The following DCUN1D4 variants were observed in gnomAD, a reference collection of about 807,000 sequenced individuals.
DCUN1D4 encodes the protein DCN1-like protein 4.
Under a neutral mutation model 47.9 loss-of-function variants are expected in DCUN1D4, and 22 were observed. That is an observed-to-expected ratio of 0.46 (90% confidence interval 0.33 to 0.66). DCUN1D4 has a LOEUF of 0.66. Among genes scored for constraint, DCUN1D4 ranks in the 30% least tolerant of loss-of-function variants. DCUN1D4 has a pLI of 0.02. For missense variants in DCUN1D4, 301 were observed against 340.8 expected (o/e 0.88, Z 0.92); for synonymous variants, 121 against 112.2 (o/e 1.08, Z -0.50).
intron 5 of DCUN1D4, among the ~76,000 whole-genome samples, chr4:51,878,729 T>G (rs1281793599): frequency 6.6e-6 from 1 of 152,262 alleles, no homozygotes; most frequent in Non-Finnish European, 1.5e-5. Context: ...TTCTCCGTTT[T>G]TCCATCTGAC....
At position 51,877,864 on chromosome 4, in the gene DCUN1D4, C is replaced by A; in HGVS notation, c.343+10C>A. The A allele has an allele frequency of 6.4e-7, 1 of 1,558,722 alleles. No individual in the cohort carries two copies. Among genetic ancestry groups the A allele is most frequent in the Non-Finnish European group, 8.8e-7 (1 of 1,133,728 alleles). ...TTCTATGAATATGCAGGTAGGTATT[C>A]ATTTGTATCATCTAAGACTGATCCT... On this transcript the variant is annotated intron_variant, in intron 5 of 10. Transcript: ENST00000334635.
intron 8 of DCUN1D4, among the ~76,000 whole-genome samples, chr4:51,902,350 C>G (rs1280990366): frequency 1.3e-5 from 2 of 152,308 alleles, no homozygotes; most frequent in African/African-American, 4.8e-5. Flanking sequence ...CTGTCAATTA[C>G]TGAGAGAGGA....
At chr4:51,835,272 G>A in the DCUN1D4 span, among the ~76,000 whole-genome samples, 2 of 152,196 alleles carry the variant, frequency 1.3e-5, no homozygotes, top group Non-Finnish European at 2.9e-5. Flanking sequence ...CTTTGAGAAA[G>A]TTACTTTACC....
At chr4:51,878,013 C>T (rs1727960405) in intron 5 of DCUN1D4, 159 bp downstream of exon 5, 1 of 410,140 alleles carries the variant, frequency 2.4e-6, no homozygotes, top group Non-Finnish European at 4.4e-6. Flanking sequence ...TAACAAATCA[C>T]CAGATAGCCT....
Position 51,843,169 on chromosome 4 carries a change from G to T in DCUN1D4, c.-74G>T, listed in dbSNP as rs770991015. 6.5e-7 allele frequency: 1 copy of T among 1,530,268 alleles called. No individual in the cohort carries two copies. 94.8% of individuals were successfully genotyped at this position (1,530,268 alleles called of 1,614,324 possible). ...CGGGTCCTCAGCTTCGAGCCGAGGTGCAGTGAGCTGGTGGGGGGACCGCGA... is the reference window on the plus strand; with the variant it reads ...CGGGTCCTCAGCTTCGAGCCGAGGTTCAGTGAGCTGGTGGGGGGACCGCGA... On this transcript the variant is annotated 5_prime_UTR_variant, in exon 1 of 11. Coordinates refer to ENST00000334635, the MANE Select transcript of DCUN1D4 (RefSeq NM_001040402.3).
intron 1 of DCUN1D4, among the ~76,000 whole-genome samples, chr4:51,852,652 A>C (rs1259364185): frequency 6.6e-6 from 1 of 152,224 alleles, no homozygotes; most frequent in African/African-American, 2.4e-5. Flanking sequence ...CGTTCTAAAT[A>C]ATAATAGGGA....
chr4:51,834,099 C>CTTTTTTTTTT, the DCUN1D4 span, among the ~76,000 whole-genome samples: 20 of 40,804 alleles, frequency 4.9e-4, no homozygotes, highest in African/African-American at 7.7e-4. Context: ...TTCTTTTCTT[C>CTTTTTTTTTT]TTTCTTTTTT....
Position 51,897,268 on chromosome 4 carries a change from G to T in DCUN1D4, c.507-2002G>T, listed in dbSNP as rs369451987. Among the ~76,000 whole-genome samples the T allele has an allele frequency of 2.0e-5, 3 of 152,098 alleles. No homozygotes were observed. The East Asian group carries it at 5.8e-4, about 29-fold the overall frequency. On this transcript the variant is annotated intron_variant, in intron 7 of 10. Transcript: ENST00000334635. ...AATTAAACATTTAATATAATTGCAG[G>T]CTTTTAGATAGTTTATCATATCAAC...
At chr4:51,911,469 C>G (rs994632615) in intron 9 of DCUN1D4, among the ~76,000 whole-genome samples, 7 of 152,138 alleles carry the variant, frequency 4.6e-5, no homozygotes, top group Admixed American at 2.0e-4. Context: ...TTTAGATTTT[C>G]TGTTCTTTGT....
chr4:51,859,348 T>A lies in DCUN1D4; in HGVS notation c.26-4089T>A, dbSNP rs182354555. 2.8e-3 allele frequency among the ~76,000 whole-genome samples: 432 copies of A among 152,320 alleles called. 3 individuals are homozygous for A. Among genetic ancestry groups the A allele is most frequent in the African/African-American group, 9.7e-3 (404 of 41,576 alleles). On this transcript the variant is annotated intron_variant, in intron 1 of 10. Transcript: ENST00000334635. Reference sequence around the variant, plus strand: ...TATAATTGCGTTCTTGTCCCAGTTATATTTTGCAAGTGACTATGGTATAAA... The same window carrying A: ...TATAATTGCGTTCTTGTCCCAGTTAAATTTTGCAAGTGACTATGGTATAAA...
intron 5 of DCUN1D4, among the ~76,000 whole-genome samples, chr4:51,885,500 G>A (rs890852552): frequency 7.3e-5 from 11 of 151,502 alleles, no homozygotes; most frequent in African/African-American, 2.7e-4. Flanking sequence ...GTGAGGCAGT[G>A]TTTGAAAATG....
intron 8 of DCUN1D4, 43 bp downstream of exon 8, chr4:51,899,421 TC>T: frequency 6.5e-7 from 1 of 1,548,332 alleles, no homozygotes. Flanking sequence ...CTCTCTTCCC[TC>T]CCCTTTTTAA....
At chr4:51,883,420 A>G (rs141467268) in intron 5 of DCUN1D4, among the ~76,000 whole-genome samples, 2 of 152,326 alleles carry the variant, frequency 1.3e-5, no homozygotes, top group African/African-American at 4.8e-5. Flanking sequence ...TAGTGTGTCT[A>G]ATACATACAT....
chr4:51,835,258 G>A, the DCUN1D4 span, among the ~76,000 whole-genome samples: 1 of 152,180 alleles, frequency 6.6e-6, no homozygotes, highest in Non-Finnish European at 1.5e-5. Flanking sequence ...TACTAGCTGT[G>A]TGTCTTTGAG....
intron 1 of DCUN1D4, chr4:51,843,549 G>C: frequency 1.6e-6 from 2 of 1,281,092 alleles, no homozygotes; most frequent in Non-Finnish European, 2.0e-6. Context: ...AGGGCTGGAC[G>C]TGCGATGAAG....
In DCUN1D4 at chr4:51,899,395, C is replaced by G; in HGVS notation, c.615+17C>G. The G allele has an allele frequency of 6.3e-7, 1 of 1,592,890 alleles. No homozygotes were observed. On this transcript the variant is annotated intron_variant, in intron 8 of 10. Coordinates refer to ENST00000334635, the MANE Select transcript of DCUN1D4 (RefSeq NM_001040402.3). ...TTTGCACGGGTGAGTTCTCTGGAGC[C>G]TATCCAGATGTTTCCCTCTCTTCCC...
intron 5 of DCUN1D4, 27 bp downstream of exon 5, chr4:51,877,881 A>T (rs553456987): frequency 6.9e-7 from 1 of 1,446,144 alleles, no homozygotes; most frequent in African/African-American, 1.4e-5. Context: ...ATCATCTAAG[A>T]CTGATCCTTA....
chr4:51,875,358 T>G (rs1727509063), intron 4 of DCUN1D4: 1 of 152,210 alleles, frequency 6.6e-6, no homozygotes, highest in Non-Finnish European at 1.5e-5. Context: ...ATTGTTAAAT[T>G]CTAACAATCA....
At position 51,863,510 on chromosome 4, in the gene DCUN1D4, A is replaced by C; in HGVS notation, c.96+3A>C. On this transcript the variant is annotated splice_donor_region_variant and intron_variant, in intron 2 of 10. Transcript: ENST00000334635. ...TCTACCACACCCTTAATAAGCTGGT[A>C]AGTCATTCTTTTAAAGACAAAATTA... is the stretch of plus-strand genomic sequence containing the variant. 6.2e-7 allele frequency: 1 copy of C among 1,610,030 alleles called. No individual in the cohort carries two copies. Among genetic ancestry groups the C allele is most frequent in the Non-Finnish European group, 8.5e-7 (1 of 1,177,208 alleles).
Sources: allele counts gnomAD v4.1 joint callset (sites outside exome capture counted in the v4.1 genomes callset), GRCh38; gene constraint gnomAD v4.1.1; transcripts MANE v1.5; gene names NCBI Gene and HGNC (gene_info 2026-07-23, HGNC 2026-07-21).